The following ZNF362 variants were observed in gnomAD, a reference collection of about 807,000 sequenced individuals.
ZNF362 encodes rotund homolog.
A neutral mutation model predicts 42.9 loss-of-function variants in ZNF362; 11 were observed. The ratio of observed to expected loss-of-function variants is 0.26; its 90% CI spans 0.16 to 0.42. The LOEUF (loss-of-function observed/expected upper bound fraction) is 0.42, where lower values mean the gene tolerates loss of function less well. Among genes scored for constraint, ZNF362 ranks in the 20% least tolerant of loss-of-function variants. ZNF362 has a pLI of 1.00. For missense variants in ZNF362, 362 were observed against 576.2 expected, an observed-to-expected ratio of 0.63 and a Z score of 3.81; for synonymous variants, 255 against 257.3, an observed-to-expected ratio of 0.99 and a Z score of 0.09.
chr1:33,133,459 T>C, the ZNF362 span, among the ~76,000 whole-genome samples: 1 of 152,208 alleles, frequency 6.6e-6, no homozygotes, highest in African/African-American at 2.4e-5. Context: ...ATGGCTTACC[T>C]GGGCCCCTCA....
the ZNF362 span, among the ~76,000 whole-genome samples, chr1:33,247,028 C>T: frequency 6.7e-4 from 102 of 152,272 alleles, 1 homozygote; most frequent in East Asian, 0.016. Context: ...GGAGGCCTTG[C>T]GATGTCCTGG....
At chr1:33,157,071 C>G in the ZNF362 span, among the ~76,000 whole-genome samples, 1 of 151,782 alleles carries the variant, frequency 6.6e-6, no homozygotes. Flanking sequence ...CAAAGGGATC[C>G]TTAAAAAACT....
the ZNF362 span, chr1:33,146,285 G>T: frequency 5.2e-6 from 1 of 193,496 alleles, no homozygotes; most frequent in Non-Finnish European, 1.1e-5. Flanking sequence ...TCTGACAAGG[G>T]GTCCAGCCAA....
chr1:33,267,324 C>G (rs1645871664), intron 1 of ZNF362, among the ~76,000 whole-genome samples: 1 of 152,186 alleles, frequency 6.6e-6, no homozygotes, highest in Non-Finnish European at 1.5e-5. Context: ...CCCACCTCAT[C>G]TCTGCCCCTG....
chr1:33,141,156 C>T, the ZNF362 span, among the ~76,000 whole-genome samples: 1 of 151,980 alleles, frequency 6.6e-6, no homozygotes, highest in Non-Finnish European at 1.5e-5. Context: ...GATTTGATCA[C>T]CCTTTTGCCC....
chr1:33,180,988 G>T, the ZNF362 span: 1 of 646,232 alleles, frequency 1.5e-6, no homozygotes, highest in South Asian at 2.8e-5. Context: ...CCTCCAGCCC[G>T]GCCCCGCCCC....
chr1:33,262,065 T>C (rs1645831326), intron 1 of ZNF362, among the ~76,000 whole-genome samples: 1 of 152,100 alleles, frequency 6.6e-6, no homozygotes, highest in South Asian at 2.1e-4. Context: ...GGGATGGCTT[T>C]CTAGAACCTG....
chr1:33,141,509 A>G, the ZNF362 span, among the ~76,000 whole-genome samples: 5 of 152,096 alleles, frequency 3.3e-5, no homozygotes, highest in Non-Finnish European at 5.9e-5. Context: ...AGATTCGATC[A>G]CATCTAGTCT....
chr1:33,287,105 G>T (rs1478179321), intron 6 of ZNF362, among the ~76,000 whole-genome samples: 1 of 152,202 alleles, frequency 6.6e-6, no homozygotes, highest in African/African-American at 2.4e-5. Flanking sequence ...GCTTCAGAAG[G>T]ATCAGCCCTC....
chr1:33,173,826 A>C, the ZNF362 span, among the ~76,000 whole-genome samples: 1 of 152,016 alleles, frequency 6.6e-6, no homozygotes, highest in African/African-American at 2.4e-5. Context: ...CAGCCTCCCA[A>C]GTACCTCACA....
rs542098129 is a variant in ZNF362, at chr1:33,299,677, G to A, written c.*631G>A. 1.6e-3 allele frequency: 248 copies of A among 152,892 alleles called. 2 individuals carry two copies. Among genetic ancestry groups the A allele is most frequent in the Non-Finnish European group, 2.8e-3 (192 of 68,226 alleles). The allele number at this position is 152,892 out of a possible 1,614,324, so 9.5% of individuals were successfully genotyped here. ...TGCGGCAGCTTCAGGAGGCAGAAAC[G>A]AGAGGGGTGGGAGATCCACAGGACC... On this transcript the variant is annotated 3_prime_UTR_variant, in exon 9 of 9. Transcript: ENST00000539719.
rs1210569299 is a variant in ZNF362 at position 33,299,895 on chromosome 1, C to T, written c.*849C>T. 2.0e-5 allele frequency: 3 copies of T among 152,728 alleles called. No individual in the cohort carries two copies. In the East Asian group the frequency reaches 5.8e-4, roughly 29 times the overall value. 9.5% of individuals were successfully genotyped at this position (152,728 alleles called of 1,614,324 possible). A position where few individuals can be genotyped will look rare whatever the true frequency, so the allele number is the denominator to read the frequency against. Reference sequence around the variant, plus strand: ...GGATGGGGAGGGAGTGGGCCTGGATCTGGGACCTCCCTCCAGAATTTCCTC... The same window carrying T: ...GGATGGGGAGGGAGTGGGCCTGGATTTGGGACCTCCCTCCAGAATTTCCTC... On this transcript the variant is annotated 3_prime_UTR_variant, in exon 9 of 9. Transcript: ENST00000539719.
chr1:33,147,204 C>T, the ZNF362 span: 54 of 1,613,622 alleles, frequency 3.3e-5, no homozygotes, highest in Admixed American at 6.7e-5. This position sits in a 1 kb window ranked among gnomAD's most constrained non-coding sequence, Gnocchi z 8.1. Flanking sequence ...TGATCCGCAG[C>T]GGCTGAACGT....
the ZNF362 span, among the ~76,000 whole-genome samples, chr1:33,173,700 T>C: frequency 2.0e-5 from 3 of 150,170 alleles, no homozygotes; most frequent in African/African-American, 7.4e-5. Context: ...TTTCCCTAAT[T>C]AAAAAAAATT....
the ZNF362 span, among the ~76,000 whole-genome samples, chr1:33,158,069 T>C: frequency 6.6e-6 from 1 of 152,118 alleles, no homozygotes; most frequent in Admixed American, 6.5e-5. Flanking sequence ...CCTGGGGTGT[T>C]ATGAAGGTCC....
chr1:33,157,803 C>G, the ZNF362 span, among the ~76,000 whole-genome samples: 13 of 151,864 alleles, frequency 8.6e-5, no homozygotes, highest in South Asian at 2.5e-3. Context: ...GTTGCCCAGG[C>G]TGGAGTGCAG....
chr1:33,185,379 G>A, the ZNF362 span, among the ~76,000 whole-genome samples: 11 of 151,752 alleles, frequency 7.2e-5, no homozygotes, highest in Non-Finnish European at 1.2e-4. Flanking sequence ...CCGCCACCAC[G>A]CCAAGCTAAT....
At chr1:33,154,712 C>T in the ZNF362 span, among the ~76,000 whole-genome samples, 16 of 151,052 alleles carry the variant, frequency 1.1e-4, no homozygotes, top group Admixed American at 7.9e-4. Context: ...GCAGGAAAAT[C>T]GCCTGAACCC....
the ZNF362 span, among the ~76,000 whole-genome samples, chr1:33,189,222 C>CT: frequency 2.0e-5 from 3 of 152,090 alleles, no homozygotes; most frequent in African/African-American, 7.2e-5. Context: ...CAGGCCTAAG[C>CT]TTTTTCCTCC....
Sources: gnomAD v4.1 joint callset for allele counts (sites outside exome capture counted in the v4.1 genomes callset) on GRCh38, gnomAD v4.1.1 for gene constraint, Gnocchi (gnomAD v3.1) non-coding constraint, MANE v1.5 for transcripts, NCBI Gene and HGNC (gene_info 2026-07-23, HGNC 2026-07-21) for gene names.